SLC44A3: variants seen among roughly 807,000 people sequenced by gnomAD.
The protein encoded by SLC44A3 is choline transporter-like protein 3.
SLC44A3 carries 74 observed loss-of-function variants against 75.4 expected under a neutral mutation model. The ratio of observed to expected loss-of-function variants is 0.98; its 90% confidence interval spans 0.81 to 1.19. The LOEUF (loss-of-function observed/expected upper bound fraction) is 1.19, where lower values mean the gene tolerates loss of function less well. Ranked by LOEUF, SLC44A3 falls within the 50% of genes most tolerant of loss-of-function variation. SLC44A3 has a pLI of 0.00. For missense variants in SLC44A3, 700 were observed against 778.6 expected, an observed-to-expected ratio of 0.90 and a Z score of 1.20; for synonymous variants, 310 against 296.9, an observed-to-expected ratio of 1.04 and a Z score of -0.45.
intron 12 of SLC44A3, among the ~76,000 whole-genome samples, chr1:94,885,224 C>CAAAAAAAAAAAAAAAAAAAAAAAAA (rs60440950): frequency 6.0e-5 from 5 of 82,848 alleles, no homozygotes; most frequent in African/African-American, 2.4e-4. Context: ...GACTCCCTCT[C>CAAAAAAAAAAAAAAAAAAAAAAAAA]AAAAAAAAAA....
intron 3 of SLC44A3, among the ~76,000 whole-genome samples, chr1:94,826,775 T>A (rs548967589): frequency 1.3e-5 from 2 of 152,090 alleles, no homozygotes; most frequent in South Asian, 4.2e-4. Context: ...CTTTCTCCCA[T>A]CCCCAACAGG....
intron 10 of SLC44A3, 54 bp downstream of exon 10, chr1:94,857,554 T>G (rs1417329802): frequency 6.7e-7 from 1 of 1,485,920 alleles, no homozygotes; most frequent in Non-Finnish European, 9.0e-7. Context: ...ATCTATGTGC[T>G]TCATGTTAAT....
chr1:94,843,385 A>G (rs995719669), intron 8 of SLC44A3: 1 of 152,074 alleles, frequency 6.6e-6, no homozygotes, highest in Non-Finnish European at 1.5e-5. Context: ...GAGCTAGTTC[A>G]CTCATCCTCA....
intron 5 of SLC44A3, 107 bp downstream of exon 5, chr1:94,828,693 C>G (rs1041804814): frequency 9.0e-5 from 87 of 963,812 alleles, no homozygotes; most frequent in Non-Finnish European, 1.3e-4. Flanking sequence ...TCAGAAGAGC[C>G]CCTGCCTGCA....
chr1:94,846,338 G>A (rs1664401927), intron 9 of SLC44A3, among the ~76,000 whole-genome samples: 1 of 152,020 alleles, frequency 6.6e-6, no homozygotes, highest in African/African-American at 2.4e-5. Context: ...CAGTTATCTG[G>A]GTGCCAGCCT....
intron 12 of SLC44A3, among the ~76,000 whole-genome samples, chr1:94,870,960 C>T (rs1361407078): frequency 6.6e-6 from 1 of 152,242 alleles, no homozygotes; most frequent in Non-Finnish European, 1.5e-5. Flanking sequence ...AGATCACAGG[C>T]ATGAGCCACC....
At chr1:94,882,723 C>T (rs1287088397) in intron 12 of SLC44A3, among the ~76,000 whole-genome samples, 1 of 151,890 alleles carries the variant, frequency 6.6e-6, no homozygotes, top group Non-Finnish European at 1.5e-5. Flanking sequence ...CAGCAAGATG[C>T]CGTTGCCTAA....
chr1:94,857,417 T>C lies in SLC44A3; in HGVS notation c.1155T>C (p.Ile385=), dbSNP rs1666016674. ...GIRYMWSYHL[I]GLIWTSEFIL... is the part of the protein sequence containing the mutation. ...GGTACATGTGGTCGTACCATTTAAT[T>C]GGCCTCATCTGGACTAGTGAATTCA... The change falls in exon 10 of 15, where the codon ATT becomes ATC. Residue 385 remains isoleucine (I), a synonymous_variant. Coordinates refer to ENST00000271227, the MANE Select transcript of SLC44A3 (RefSeq NM_001114106.3). The C allele has an allele frequency of 6.2e-7, 1 of 1,614,218 alleles. No individual in the cohort carries two copies. The highest frequency in any genetic ancestry group is 2.2e-5 in the East Asian group (1 of 44,878).
In SLC44A3 at chr1:94,894,828, A is replaced by C; in HGVS notation, c.1868A>C (p.Lys623Thr). The change falls in exon 15 of 15, where the codon AAA becomes ACA. Residue 623 changes from lysine (K) to threonine (T), a missense_variant. By Grantham distance (78) the Lys-to-Thr change is moderately conservative. Transcript: ENST00000271227. ...TCTTTTGTTTTTCAGAGTTTCGTAA[A>C]AAGGAGCAACAAATTAAACAATGCA... is the stretch of plus-strand genomic sequence containing the variant. ...FMDQEFLSFV[K>T]RSNKLNNARA... 1.2e-6 allele frequency: 2 copies of C among 1,610,410 alleles called. No individual in the cohort carries two copies. The highest frequency in any genetic ancestry group is 1.7e-6 in the Non-Finnish European group (2 of 1,177,966).
chr1:94,866,400 A>T (rs1667174537), intron 11 of SLC44A3, among the ~76,000 whole-genome samples: 1 of 152,188 alleles, frequency 6.6e-6, no homozygotes. Context: ...CACAAGGACC[A>T]AGGGCCAAAA....
At chr1:94,871,711 A>G (rs988433251) in intron 12 of SLC44A3, among the ~76,000 whole-genome samples, 1 of 152,236 alleles carries the variant, frequency 6.6e-6, no homozygotes, top group Non-Finnish European at 1.5e-5. Context: ...TGAACATTCT[A>G]GAAAATCCTT....
chr1:94,849,356 C>A (rs1664892634), intron 9 of SLC44A3, among the ~76,000 whole-genome samples: 2 of 152,126 alleles, frequency 1.3e-5, no homozygotes, highest in South Asian at 4.1e-4. Context: ...CACCCCCCTT[C>A]CCCACCCCGC....
chr1:94,849,365 G>A (rs1001264172), intron 9 of SLC44A3, among the ~76,000 whole-genome samples: 10 of 151,996 alleles, frequency 6.6e-5, no homozygotes, highest in South Asian at 2.1e-4. Context: ...TCCCCACCCC[G>A]CTGGGGTCAG....
intron 10 of SLC44A3, among the ~76,000 whole-genome samples, chr1:94,858,418 CACCCCTGA>C (rs886494457): frequency 5.9e-5 from 9 of 152,310 alleles, no homozygotes; most frequent in Admixed American, 5.9e-4. Flanking sequence ...CAAACACACA[CACCCCTGA>C]ACGCTTTACC....
At chr1:94,836,600 A>C (rs947339036) in intron 5 of SLC44A3, 3 of 152,232 alleles carry the variant, frequency 2.0e-5, no homozygotes, top group Non-Finnish European at 2.9e-5. Flanking sequence ...GTGTCTAAGA[A>C]GGGCTAAGAC....
chr1:94,847,246 C>T (rs996031664), intron 9 of SLC44A3, among the ~76,000 whole-genome samples: 57 of 152,226 alleles, frequency 3.7e-4, no homozygotes, highest in Non-Finnish European at 7.6e-4. Flanking sequence ...AGTTCTCTAG[C>T]GCTCAAGGAC....
rs1557789430 is a variant in SLC44A3 at position 94,820,929 on chromosome 1, A to G, written c.28-20A>G. The G allele has an allele frequency of 1.3e-6, 2 of 1,545,622 alleles. No individual in the cohort carries two copies. Among genetic ancestry groups the G allele is most frequent in the South Asian group, 1.2e-5 (1 of 83,670 alleles). ...CCACCTGTTTATCTTCTTTTTCTCA[A>G]CTCTCCCTTTTTCTGGAAGGTTTCT... On this transcript the variant is annotated intron_variant, in intron 1 of 14. Transcript: ENST00000271227.
At chr1:94,878,747 T>C (rs924976331) in intron 12 of SLC44A3, among the ~76,000 whole-genome samples, 2 of 152,204 alleles carry the variant, frequency 1.3e-5, no homozygotes, top group African/African-American at 2.4e-5. Flanking sequence ...CTATAGACCA[T>C]GTGAACAGAA....
In SLC44A3 at chr1:94,857,396, C is replaced by T. The variant is rs1047059417; in HGVS notation, c.1134C>T (p.Tyr378=). ...ATAAGCCCCTTTCGGGCATTCGGTA[C>T]ATGTGGTCGTACCATTTAATTGGCC... ...VEYKPLSGIR[Y]MWSYHLIGLI... The change falls in exon 10 of 15, where the codon TAC becomes TAT. Residue 378 remains tyrosine (Y), a synonymous_variant. Transcript: ENST00000271227. 1.2e-6 allele frequency: 2 copies of T among 1,614,016 alleles called. No homozygotes were observed. Among genetic ancestry groups the T allele is most frequent in the Non-Finnish European group, 1.7e-6 (2 of 1,179,976 alleles).
Sources: allele counts gnomAD v4.1 joint callset (sites outside exome capture counted in the v4.1 genomes callset), GRCh38; gene constraint gnomAD v4.1.1; transcripts MANE v1.5; gene names NCBI Gene and HGNC (gene_info 2026-07-23, HGNC 2026-07-21).